Variants in HNRNPLL observed in about 807,000 individuals in gnomAD.
The protein encoded by HNRNPLL is heterogeneous nuclear ribonucleoprotein L-like.
HNRNPLL carries 25 observed loss-of-function variants against 67.1 expected under a neutral mutation model. The observed-to-expected ratio is 0.37, with a 90% CI of 0.27 to 0.52. HNRNPLL has a LOEUF of 0.52. HNRNPLL is among the 20% of genes least tolerant of loss of function. HNRNPLL has a pLI of 0.90. For synonymous variants in HNRNPLL, 267 were observed against 241.7 expected (o/e 1.10, Z -0.97); for missense variants, 542 against 673.9 (o/e 0.80, Z 2.17).
chr2:38,579,022 T>C (rs1352449961), intron 6 of HNRNPLL, among the ~76,000 whole-genome samples: 1 of 152,090 alleles, frequency 6.6e-6, no homozygotes, highest in Non-Finnish European at 1.5e-5. Context: ...CTGTTAATGT[T>C]CCTCTGCTTA....
chr2:38,573,702 G>C (rs1243320598), intron 7 of HNRNPLL, among the ~76,000 whole-genome samples: 1 of 151,756 alleles, frequency 6.6e-6, no homozygotes, highest in Non-Finnish European at 1.5e-5. Flanking sequence ...AGTTTAACAA[G>C]ACTATGGGGG....
chr2:38,589,148 T>C (rs757771222), intron 2 of HNRNPLL, among the ~76,000 whole-genome samples: 2 of 152,208 alleles, frequency 1.3e-5, no homozygotes, highest in Non-Finnish European at 2.9e-5. Flanking sequence ...TTATAATGCA[T>C]ACAGTATAGA....
rs140645947 is a variant in HNRNPLL at position 38,584,055 on chromosome 2, T to C, written c.547-129A>G. On this transcript the variant is annotated intron_variant, in intron 3 of 12. Transcript: ENST00000449105. ...CATTTCTATTGATTAATAAAATTAA[T>C]TCTTAAAATTATTACTTTTTTCTTG... 8.6e-4 allele frequency: 392 copies of C among 457,456 alleles called. 1 individual carries two copies. The highest frequency in any genetic ancestry group is 1.1e-3 in the Non-Finnish European group (288 of 253,718). 28.3% of individuals were successfully genotyped at this position (457,456 alleles called of 1,614,324 possible).
intron 1 of HNRNPLL, among the ~76,000 whole-genome samples, chr2:38,595,276 A>G (rs867743724): frequency 1.8e-5 from 2 of 114,272 alleles, no homozygotes; most frequent in Admixed American, 1.7e-4. Flanking sequence ...CTTGTCTAAA[A>G]AAAAAAAAAA....
At chr2:38,570,227 T>C (rs1435198859) in intron 8 of HNRNPLL, among the ~76,000 whole-genome samples, 2 of 152,196 alleles carry the variant, frequency 1.3e-5, no homozygotes, top group African/African-American at 4.8e-5. Context: ...TCGCTGAAAA[T>C]ACAGATAATA....
At chr2:38,567,101 G>GT (rs202058230) in intron 12 of HNRNPLL, among the ~76,000 whole-genome samples, 1,541 of 151,670 alleles carry the variant, frequency 0.01, 28 homozygotes, top group African/African-American at 0.035. Context: ...GAATCATTTT[G>GT]TTTTTTTATT....
chr2:38,574,500 A>C (rs1199349537), intron 7 of HNRNPLL, among the ~76,000 whole-genome samples: 1 of 151,900 alleles, frequency 6.6e-6, no homozygotes, highest in Non-Finnish European at 1.5e-5. Context: ...ATGTAATGCC[A>C]CTGAGTTGCA....
At chr2:38,565,993 T>C (rs1470477273) in intron 12 of HNRNPLL, 5 of 948,974 alleles carry the variant, frequency 5.3e-6, no homozygotes, top group Non-Finnish European at 6.3e-6. Context: ...TTTTAAACCA[T>C]CATTCATCAC....
intron 4 of HNRNPLL, among the ~76,000 whole-genome samples, chr2:38,582,954 T>C (rs896147727): frequency 1.3e-5 from 2 of 151,878 alleles, no homozygotes; most frequent in Admixed American, 6.6e-5. Context: ...TAGGTCATCA[T>C]TAGTACTTTA....
At chr2:38,584,188 G>A (rs925102058) in intron 3 of HNRNPLL, among the ~76,000 whole-genome samples, 2 of 152,120 alleles carry the variant, frequency 1.3e-5, no homozygotes, top group Admixed American at 6.6e-5. Flanking sequence ...AGCCTCCCGA[G>A]TAGCTGAGAC....
At chr2:38,581,846 A>G in intron 6 of HNRNPLL, 67 bp downstream of exon 6, 1 of 1,009,646 alleles carries the variant, frequency 9.9e-7, no homozygotes, top group Non-Finnish European at 1.6e-6. Flanking sequence ...TCAGGAAAAA[A>G]GAATCTAACT....
rs765556003 is a variant in HNRNPLL at position 38,568,304 on chromosome 2, C to T, written c.1475-7G>A. 6.2e-6 allele frequency: 10 copies of T among 1,609,960 alleles called. No individual in the cohort carries two copies. Among genetic ancestry groups the T allele is most frequent in the Non-Finnish European group, 8.5e-6 (10 of 1,177,454 alleles). On this transcript the variant is annotated splice_polypyrimidine_tract_variant and splice_region_variant and intron_variant, in intron 11 of 12. Coordinates refer to ENST00000449105, the MANE Select transcript of HNRNPLL (RefSeq NM_138394.4). Reference sequence around the variant, plus strand: ...GAAAGTGTTTTGGCTGAAGCTAAAACAAAAAAACACAAACTCAGTTATTAT... The same window carrying T: ...GAAAGTGTTTTGGCTGAAGCTAAAATAAAAAAACACAAACTCAGTTATTAT...
chr2:38,569,896 T>A lies in HNRNPLL; in HGVS notation c.1122A>T (p.Thr374=). The A allele has an allele frequency of 1.9e-6, 3 of 1,595,916 alleles. No homozygotes were observed. Among genetic ancestry groups the A allele is most frequent in the Non-Finnish European group, 2.6e-6 (3 of 1,167,082 alleles). Residue 374 remains threonine, a synonymous_variant, in exon 9 of 13, where the codon ACA becomes ACT. Coordinates refer to ENST00000449105, the MANE Select transcript of HNRNPLL (RefSeq NM_138394.4). ...KVKFMKTIPG[T]ALVEMGDEYA... The stretch of plus-strand genomic sequence containing the variant: ...ACTCATCACCCATTTCTACCAGTGC[T>A]GTACCAGGAATGGTCTTCATAAATT...
chr2:38,572,174 T>G (rs1001119600), intron 8 of HNRNPLL, among the ~76,000 whole-genome samples: 41 of 152,094 alleles, frequency 2.7e-4, no homozygotes, highest in Admixed American at 5.2e-4. Flanking sequence ...TACACAAGTA[T>G]AGGTATCCCA....
chr2:38,594,349 G>A (rs1667089721), intron 1 of HNRNPLL, among the ~76,000 whole-genome samples: 1 of 152,136 alleles, frequency 6.6e-6, no homozygotes. Context: ...TCTTTAGTAA[G>A]AAAATAGTAA....
At chr2:38,575,599 C>G (rs115296946) in intron 7 of HNRNPLL, among the ~76,000 whole-genome samples, 1 of 151,784 alleles carries the variant, frequency 6.6e-6, no homozygotes, top group Non-Finnish European at 1.5e-5. Context: ...AGATTTCATA[C>G]TGCTATAATA....
intron 12 of HNRNPLL, chr2:38,567,945 C>A: frequency 3.1e-6 from 1 of 322,226 alleles, no homozygotes; most frequent in Non-Finnish European, 5.7e-6. Flanking sequence ...AATTGCCCAG[C>A]TGAAATGCAC....
intron 7 of HNRNPLL, among the ~76,000 whole-genome samples, chr2:38,575,053 G>A (rs1227262318): frequency 6.6e-6 from 1 of 151,720 alleles, no homozygotes; most frequent in Non-Finnish European, 1.5e-5. Context: ...ATGGTAGACA[G>A]GCAGTGGAAA....
chr2:38,572,309 G>A (rs1424661248), intron 8 of HNRNPLL, among the ~76,000 whole-genome samples: 3 of 152,032 alleles, frequency 2.0e-5, no homozygotes, highest in Non-Finnish European at 4.4e-5. Flanking sequence ...AGATCAAGAA[G>A]CTTTAGAATT....
Sources: allele counts gnomAD v4.1 joint callset (sites outside exome capture counted in the v4.1 genomes callset), GRCh38; gene constraint gnomAD v4.1.1; transcripts MANE v1.5; gene names NCBI Gene and HGNC (gene_info 2026-07-23, HGNC 2026-07-21).